Variants in MCM8 observed in about 807,000 individuals in gnomAD.
MCM8 encodes the protein DNA helicase MCM8.
Under a neutral mutation model 98.9 loss-of-function variants are expected in MCM8, and 85 were observed. The observed-to-expected ratio is 0.86, with a 90% CI of 0.72 to 1.03. The LOEUF (loss-of-function observed/expected upper bound fraction) is 1.03. Among genes scored for constraint, MCM8 ranks in the 50% least tolerant of loss-of-function variants. The pLI is 0.00. For synonymous variants in MCM8, 352 were observed against 338.6 expected, an observed-to-expected ratio of 1.04 and a Z score of -0.44; for missense variants, 951 against 997.8, an observed-to-expected ratio of 0.95 and a Z score of 0.63.
chr20:5,994,052 G>A, intron 18 of MCM8: 1 of 316,834 alleles, frequency 3.2e-6, no homozygotes, highest in Non-Finnish European at 5.1e-6. Context: ...AAGTTAGCTT[G>A]ATTTTTTTCA....
In MCM8 at chr20:5,994,389, TA is replaced by T. The variant is rs2089915486; in HGVS notation, c.*2del. The T allele has an allele frequency of 1.3e-6, 2 of 1,589,730 alleles. No individual in the cohort carries two copies. Among genetic ancestry groups the T allele is most frequent in the Admixed American group, 1.7e-5 (1 of 57,826 alleles). On this transcript the variant is annotated frameshift_variant and stop_lost, in exon 19 of 19. Transcript: ENST00000610722. LOFTEE classifies it high-confidence loss of function. ...AAAAGTTTACCAGCTTCAAACTATGTAAAAGGACTTCACCAAGTTAGGGCCT... is the reference window on the plus strand; with the variant it reads ...AAAAGTTTACCAGCTTCAAACTATGTAAAGGACTTCACCAAGTTAGGGCCT... The part of the protein sequence containing the change: ...GPKVYQLQTM[*>X]
Position 5,951,014 on chromosome 20 carries a change from T to G in MCM8, c.-15T>G, listed in dbSNP as rs2088807153. The G allele has an allele frequency of 6.6e-6, 1 of 152,178 alleles. No individual in the cohort carries two copies. Among genetic ancestry groups the G allele is most frequent in the South Asian group, 2.1e-4 (1 of 4,830 alleles). 9.4% of individuals were successfully genotyped at this position (152,178 alleles called of 1,614,324 possible). A position where few individuals can be genotyped will look rare whatever the true frequency, so the allele number is the denominator to read the frequency against. On this transcript the variant is annotated 5_prime_UTR_variant, in exon 1 of 19. Transcript: ENST00000610722. ...AACTAGGAGAGCTTTGGGACCTCTG[T>G]CCCAAGCAAGTAAGAACTTTAGCCT...
At chr20:5,994,053 AT>A in intron 18 of MCM8, 1 of 317,078 alleles carries the variant, frequency 3.2e-6, no homozygotes, top group Non-Finnish European at 5.1e-6. Flanking sequence ...AGTTAGCTTG[AT>A]TTTTTTCAGC....
At chr20:5,983,988 T>A (rs866596172) in intron 14 of MCM8, among the ~76,000 whole-genome samples, 1 of 152,238 alleles carries the variant, frequency 6.6e-6, no homozygotes, top group Non-Finnish European at 1.5e-5. Flanking sequence ...GGAACATGTC[T>A]GTGCTGTACT....
At position 5,994,749 on chromosome 20, in the gene MCM8, A is replaced by AT; in HGVS notation, c.*358_*359insT. 2.2e-6 allele frequency: 1 copy of AT among 452,760 alleles called. No individual in the cohort carries two copies. The highest frequency in any genetic ancestry group is 4.4e-6 in the Non-Finnish European group (1 of 226,922). The allele number at this position is 452,760 out of a possible 1,614,324, so 28.0% of individuals were successfully genotyped here. On this transcript the variant is annotated 3_prime_UTR_variant, in exon 19 of 19. Coordinates refer to ENST00000610722, the MANE Select transcript of MCM8 (RefSeq NM_032485.6). ...CCCCATTTCTTAAAAAAAAAAAAAA[A>AT]AAATTTAAACTTAGCTGGGTATGGT...
chr20:5,967,580 G>C lies in MCM8; in HGVS notation c.1020G>C (p.Ala340=). The change falls in exon 9 of 19, where the codon GCG becomes GCC. Residue 340 remains alanine, a synonymous_variant. Coordinates refer to ENST00000610722, the MANE Select transcript of MCM8 (RefSeq NM_032485.6). ...TITGIVKVSN[A]EEGSRNKNDK... ...CTGGAATTGTCAAAGTCTCAAATGC[G>C]GAAGAAGGTAGGGTACAACTCTTTT... 1.2e-6 allele frequency: 2 copies of C among 1,611,020 alleles called. No individual in the cohort carries two copies. The highest frequency in any genetic ancestry group is 1.7e-6 in the Non-Finnish European group (2 of 1,177,898).
rs2089979952 is a variant in MCM8 at position 5,997,987 on chromosome 20, G to A, written c.*3596G>A. 6.6e-6 allele frequency: 1 copy of A among 152,202 alleles called. No homozygotes were observed. Among genetic ancestry groups the A allele is most frequent in the Non-Finnish European group, 1.5e-5 (1 of 68,040 alleles). The allele number at this position is 152,202 out of a possible 1,614,324, so 9.4% of individuals were successfully genotyped here. A position where few individuals can be genotyped will look rare whatever the true frequency, so the allele number is the denominator to read the frequency against. On this transcript the variant is annotated 3_prime_UTR_variant, in exon 19 of 19. Transcript: ENST00000610722. ...AGGTGAGGGTATAACTGAACGAGAA[G>A]AGGAATAAACACCACCCTGTGATTG...
chr20:5,976,742 T>C (rs2089519504), intron 12 of MCM8, among the ~76,000 whole-genome samples: 1 of 152,146 alleles, frequency 6.6e-6, no homozygotes, highest in Non-Finnish European at 1.5e-5. Context: ...ACACTAGCTA[T>C]GCCTGGAGGG....
At chr20:5,959,457 A>G (rs757199852) in intron 7 of MCM8, among the ~76,000 whole-genome samples, 6 of 152,124 alleles carry the variant, frequency 3.9e-5, no homozygotes, top group Admixed American at 2.0e-4. Flanking sequence ...TGAATGTAAC[A>G]CGCAGCTGTT....
chr20:5,968,606 A>G (rs545554994), intron 10 of MCM8, among the ~76,000 whole-genome samples: 6 of 152,290 alleles, frequency 3.9e-5, no homozygotes, highest in Non-Finnish European at 2.9e-5. Context: ...ACATAGCCAC[A>G]CTCATTCATT....
intron 3 of MCM8, among the ~76,000 whole-genome samples, chr20:5,953,592 G>A (rs12480833): frequency 6.6e-6 from 1 of 151,884 alleles, no homozygotes; most frequent in Admixed American, 6.6e-5. Flanking sequence ...TCCTGCCTCA[G>A]CCTCCCGAGT....
At chr20:5,958,214 C>T (rs1025538286) in intron 6 of MCM8, among the ~76,000 whole-genome samples, 5 of 152,126 alleles carry the variant, frequency 3.3e-5, no homozygotes, top group African/African-American at 1.2e-4. Flanking sequence ...ACTAAAAATA[C>T]AAAAATTAGC....
intron 6 of MCM8, 79 bp from the exon 7 acceptor site, chr20:5,958,449 C>T: frequency 9.8e-7 from 1 of 1,023,640 alleles, no homozygotes; most frequent in Non-Finnish European, 1.5e-6. Flanking sequence ...TTGAGAATTC[C>T]ATAGTTGCTC....
At position 5,985,011 on chromosome 20, in the gene MCM8, T is replaced by C; in HGVS notation, c.1953+11T>C. On this transcript the variant is annotated intron_variant, in intron 15 of 18. Transcript: ENST00000610722. Reference sequence around the variant, plus strand: ...TCAGAAAGACTAAAGGTATAAATGTTTCTTCTCCTTATTCAGTTTGGTTCT... The same window carrying C: ...TCAGAAAGACTAAAGGTATAAATGTCTCTTCTCCTTATTCAGTTTGGTTCT... 6.2e-7 allele frequency: 1 copy of C among 1,602,670 alleles called. No homozygotes were observed. Among genetic ancestry groups the C allele is most frequent in the Non-Finnish European group, 8.5e-7 (1 of 1,170,230 alleles).
chr20:5,959,721 C>T (rs562322231), intron 7 of MCM8, among the ~76,000 whole-genome samples: 74 of 106,338 alleles, frequency 7.0e-4, no homozygotes, highest in African/African-American at 2.3e-3. Flanking sequence ...TTTTTTGAGA[C>T]GGAGTCTCGC....
At chr20:5,955,020 C>A in intron 4 of MCM8, 82 bp from the exon 5 acceptor site, 2 of 965,708 alleles carry the variant, frequency 2.1e-6, no homozygotes, top group Non-Finnish European at 3.1e-6. Flanking sequence ...TATGCTTTCT[C>A]AAAGTCTATA....
rs754916270 is a variant in MCM8 at position 5,973,110 on chromosome 20, G to A, written c.1309G>A (p.Asp437Asn). ...ALFGGSQKYA[D>N]DKNRIPIRGD... Reference sequence around the variant, plus strand: ...CTTTGGAGGAAGCCAGAAATACGCAGATGACAAAAACAGAATTCCAATTCG... The same window carrying A: ...CTTTGGAGGAAGCCAGAAATACGCAAATGACAAAAACAGAATTCCAATTCG... Residue 437 changes from aspartate to asparagine, a missense_variant, in exon 12 of 19, where the codon GAT (aspartate) becomes AAT (asparagine). By Grantham distance (23) the Asp-to-Asn change is conservative. Transcript: ENST00000610722. 6.2e-7 allele frequency: 1 copy of A among 1,614,224 alleles called. No homozygotes were observed. The highest frequency in any genetic ancestry group is 8.5e-7 in the Non-Finnish European group (1 of 1,180,032).
At chr20:5,955,689 G>A (rs236116) in intron 5 of MCM8, among the ~76,000 whole-genome samples, 128,333 of 152,254 alleles carry the variant, frequency 0.84, 54,367 homozygotes, top group East Asian at 1. Flanking sequence ...GTAAATAACA[G>A]TTTGTACTGT....
At chr20:5,977,828 A>G (rs983950024) in intron 12 of MCM8, 48 bp from the exon 13 acceptor site, 9 of 1,602,034 alleles carry the variant, frequency 5.6e-6, no homozygotes, top group Non-Finnish European at 6.8e-6. Context: ...GTTAGCTATT[A>G]CTTCCCTTTT....
Sources: allele counts gnomAD v4.1 joint callset (sites outside exome capture counted in the v4.1 genomes callset), GRCh38; gene constraint gnomAD v4.1.1; transcripts MANE v1.5; gene names NCBI Gene and HGNC (gene_info 2026-07-23, HGNC 2026-07-21).